PSMA4: variants seen among roughly 807,000 people sequenced by gnomAD.
PSMA4 encodes proteasome subunit alpha type-4.
In PSMA4, 8 loss-of-function variants were observed where a neutral mutation model predicts 37.2. The ratio of observed to expected loss-of-function variants is 0.22; its 90% CI spans 0.13 to 0.39. The LOEUF is 0.39. Among genes scored for constraint, PSMA4 ranks in the 10% least tolerant of loss-of-function variants. PSMA4 has a pLI of 1.00. For missense variants in PSMA4, 169 were observed against 305.1 expected, an observed-to-expected ratio of 0.55 and a Z score of 3.32; for synonymous variants, 93 against 98.8, an observed-to-expected ratio of 0.94 and a Z score of 0.35.
chr15:78,542,279 A>G (rs1489959700), intron 3 of PSMA4, 60 bp downstream of exon 3: 32 of 1,504,772 alleles, frequency 2.1e-5, no homozygotes, highest in Non-Finnish European at 2.8e-5. Flanking sequence ...AGACTTTTAG[A>G]AAAAAAAATT....
chr15:78,544,438 C>T, intron 5 of PSMA4, 171 bp downstream of exon 5: 1 of 532,810 alleles, frequency 1.9e-6, no homozygotes, highest in South Asian at 2.2e-5. Flanking sequence ...GCCTCAGCCT[C>T]CCAAGTAGCT....
chr15:78,543,520 G>A (rs985575288), intron 4 of PSMA4, among the ~76,000 whole-genome samples: 1 of 150,992 alleles, frequency 6.6e-6, no homozygotes, highest in African/African-American at 2.4e-5. Flanking sequence ...GTCAAGCCAG[G>A]CCTTAGGAAA....
intron 4 of PSMA4, 99 bp from the exon 5 acceptor site, chr15:78,544,091 T>C: frequency 6.1e-6 from 5 of 825,710 alleles, no homozygotes; most frequent in Non-Finnish European, 7.7e-6. Flanking sequence ...GAAGCAAACA[T>C]AGTGAATTTC....
chr15:78,547,765 A>T (rs531900363), intron 8 of PSMA4, among the ~76,000 whole-genome samples: 1 of 152,284 alleles, frequency 6.6e-6, no homozygotes, highest in African/African-American at 2.4e-5. Context: ...TGAACCTGGG[A>T]AGCGGAGGCT....
chr15:78,546,450 A>C (rs75045858), intron 7 of PSMA4, 125 bp from the exon 8 acceptor site: 1 of 227,258 alleles, frequency 4.4e-6, no homozygotes, highest in Non-Finnish European at 6.9e-6. Context: ...CCCTGTGTCA[A>C]AAAAAAAAAA....
chr15:78,542,671 T>A, intron 4 of PSMA4, 26 bp downstream of exon 4: 1 of 1,573,426 alleles, frequency 6.4e-7, no homozygotes, highest in Non-Finnish European at 8.6e-7. Context: ...GGAAAGAGTT[T>A]AAAAAAAATC....
At chr15:78,544,826 T>A (rs760668608) in intron 5 of PSMA4, 43 bp from the exon 6 acceptor site, 3 of 1,328,274 alleles carry the variant, frequency 2.3e-6, no homozygotes, top group Non-Finnish European at 3.2e-6. Flanking sequence ...AGTCTGTCTG[T>A]GTTTTAGAGA....
Position 78,549,255 on chromosome 15 carries a change from T to C in PSMA4, c.*311T>C. On this transcript the variant is annotated 3_prime_UTR_variant, in exon 9 of 9. Transcript: ENST00000044462. Reference sequence around the variant, plus strand: ...ATACAAAAACTGACAGGGCGATTACTTTTTGCACATTGTGGCTTACAGTCC... The same window carrying C: ...ATACAAAAACTGACAGGGCGATTACCTTTTGCACATTGTGGCTTACAGTCC... 1 of 192,072 alleles carries C rather than the reference T, an allele frequency of 5.2e-6. No homozygotes were observed. Among genetic ancestry groups the C allele is most frequent in the Non-Finnish European group, 1.0e-5 (1 of 96,970 alleles). The allele number at this position is 192,072 out of a possible 1,614,324, so 11.9% of individuals were successfully genotyped here.
chr15:78,546,743 A>G (rs760318254), intron 8 of PSMA4, 45 bp downstream of exon 8: 6 of 1,556,156 alleles, frequency 3.9e-6, no homozygotes, highest in Non-Finnish European at 5.2e-6. Flanking sequence ...GAGTGAGGGA[A>G]ATTAGCAGCT....
chr15:78,541,963 C>G (rs752189700), intron 2 of PSMA4, 33 bp downstream of exon 2: 2 of 1,590,176 alleles, frequency 1.3e-6, no homozygotes, highest in Non-Finnish European at 1.7e-6. Context: ...AAACGGTTGC[C>G]TGATAAACAG....
At chr15:78,545,560 T>C in intron 6 of PSMA4, 74 bp from the exon 7 acceptor site, 1 of 1,519,274 alleles carries the variant, frequency 6.6e-7, no homozygotes, top group Non-Finnish European at 9.1e-7. Flanking sequence ...TTAGCTACCT[T>C]CACTGAGCTC....
chr15:78,548,681 C>T, intron 8 of PSMA4, 109 bp from the exon 9 acceptor site: 2 of 1,452,892 alleles, frequency 1.4e-6, no homozygotes, highest in Admixed American at 2.4e-5. Context: ...GAGTGCTGAA[C>T]TAACGTTTCA....
rs11414100 is a variant in PSMA4, at chr15:78,543,566, C to CTTTT, written c.210-607_210-604dup. 9.3e-4 allele frequency among the ~76,000 whole-genome samples: 102 copies of CTTTT among 109,740 alleles called. 1 individual carries two copies. The highest frequency in any genetic ancestry group is 1.3e-3 in the Non-Finnish European group (72 of 56,462). 72.0% of individuals were successfully genotyped at this position (109,740 alleles called of 152,430 possible). A position where few individuals can be genotyped will look rare whatever the true frequency, so the allele number is the denominator to read the frequency against. On this transcript the variant is annotated intron_variant, in intron 4 of 8. Coordinates refer to ENST00000044462, the MANE Select transcript of PSMA4 (RefSeq NM_002789.6). ...TCAAGAGCAGTCTGTCTAGCAAAAT[C>CTTTT]TTTTTTTTTTTTTTTTTTTTGAGAC...
intron 1 of PSMA4, chr15:78,540,852 T>G (rs996862456): frequency 6.6e-6 from 1 of 152,010 alleles, no homozygotes; most frequent in African/African-American, 2.4e-5. Flanking sequence ...GAAAGTTAGC[T>G]CTCCCGGAGG....
rs1397705550 is a variant in PSMA4 at position 78,541,942 on chromosome 15, C to T, written c.3+12C>T. ...GTTCAGAAAACATGGTGAGTTAATA[C>T]ACATGCCAATAAACGGTTGCCTGAT... is the stretch of plus-strand genomic sequence containing the variant. On this transcript the variant is annotated intron_variant, in intron 2 of 8. Transcript: ENST00000044462. 6.3e-7 allele frequency: 1 copy of T among 1,595,154 alleles called. No homozygotes were observed.
chr15:78,549,135 A>G lies in PSMA4; in HGVS notation c.*191A>G. On this transcript the variant is annotated 3_prime_UTR_variant, in exon 9 of 9. Transcript: ENST00000044462. ...TAACGATGATGGTTACCCTTCATGG[A>G]CGTCTTAATCTTCCACACACATCCC... 2.3e-6 allele frequency: 2 copies of G among 874,664 alleles called. No individual in the cohort carries two copies. Among genetic ancestry groups the G allele is most frequent in the Non-Finnish European group, 3.0e-6 (2 of 664,184 alleles). The allele number at this position is 874,664 out of a possible 1,614,324, so 54.2% of individuals were successfully genotyped here.
chr15:78,545,457 T>A (rs1267125200), intron 6 of PSMA4, among the ~76,000 whole-genome samples, 177 bp from the exon 7 acceptor site: 1 of 152,220 alleles, frequency 6.6e-6, no homozygotes, highest in Non-Finnish European at 1.5e-5. Context: ...TGTGTCCAAA[T>A]CGTAGAAACA....
At chr15:78,544,296 T>C (rs1352450646) in intron 5 of PSMA4, 29 bp downstream of exon 5, 4 of 1,434,840 alleles carry the variant, frequency 2.8e-6, no homozygotes, top group Non-Finnish European at 2.9e-6. Context: ...TAACTGATGA[T>C]ACAGAAATTA....
rs1172894550 is a variant in PSMA4 at position 78,548,790 on chromosome 15, T to G, written c.632T>G (p.Val211Gly). 4.4e-6 allele frequency: 7 copies of G among 1,601,040 alleles called. No individual in the cohort carries two copies. The highest frequency in any genetic ancestry group is 6.0e-6 in the Non-Finnish European group (7 of 1,176,026). The change falls in exon 9 of 9, where the codon GTG becomes GGG. Residue 211 changes from valine (V) to glycine (G), a missense_variant and splice_region_variant. Around this residue, in one of 2 missense-constraint regions of PSMA4, gnomAD observed 90 missense variants for 92.7 expected, o/e 0.97. Transcript: ENST00000044462. Reference sequence around the variant, plus strand: ...AATAAATGTATGTGTTTGTTTTTAGTGGAAATTGCAACACTAACAAGAGAG... The same window carrying G: ...AATAAATGTATGTGTTTGTTTTTAGGGGAAATTGCAACACTAACAAGAGAG... ...MDVSKLSAEKVEIATLTRENG... is the reference protein window; with the variant it reads ...MDVSKLSAEKGEIATLTRENG...
Sources: allele counts gnomAD v4.1 joint callset (sites outside exome capture counted in the v4.1 genomes callset), GRCh38; gene constraint gnomAD v4.1.1; regional missense constraint gnomAD v4.1.1; transcripts MANE v1.5; gene names NCBI Gene and HGNC (gene_info 2026-07-23, HGNC 2026-07-21).